Variants in DPP10 observed in about 807,000 individuals in gnomAD.
DPP10 encodes dipeptidyl peptidase like 10.
Under a neutral mutation model 120.9 loss-of-function variants are expected in DPP10, and 33 were observed. The ratio of observed to expected loss-of-function variants is 0.27; its 90% CI spans 0.21 to 0.37. The LOEUF (loss-of-function observed/expected upper bound fraction) is 0.37, where lower values mean the gene tolerates loss of function less well. DPP10 is among the 10% of genes least tolerant of loss of function. The pLI is 1.00. For missense variants in DPP10, 816 were observed against 942.8 expected (o/e 0.87, Z 1.76); for synonymous variants, 337 against 326.1 (o/e 1.03, Z -0.36).
At chr2:115,527,186 A>G (rs551007812) in intron 5 of DPP10, among the ~76,000 whole-genome samples, 22 of 152,238 alleles carry the variant, frequency 1.4e-4, no homozygotes, top group African/African-American at 5.1e-4. Flanking sequence ...ACATAGATCA[A>G]TGAAAGAGAA....
At chr2:115,093,474 G>C (rs917693409) in intron 1 of DPP10, among the ~76,000 whole-genome samples, 2 of 151,902 alleles carry the variant, frequency 1.3e-5, no homozygotes, top group Non-Finnish European at 2.9e-5. Flanking sequence ...TTTTAATCTA[G>C]ATTATAAAAT....
chr2:115,568,474 T>A (rs1360153821), intron 5 of DPP10, among the ~76,000 whole-genome samples: 1 of 151,858 alleles, frequency 6.6e-6, no homozygotes, highest in African/African-American at 2.4e-5. Flanking sequence ...AGAGCGAGAC[T>A]CCGTCTAAAA....
chr2:114,442,790 T>C lies in DPP10; in HGVS notation c.12T>C (p.Thr4=), dbSNP rs747615892. 4 of 1,613,292 alleles carry C rather than the reference T, an allele frequency of 2.5e-6. No homozygotes were observed. In the African/African-American group the frequency reaches 4.0e-5, roughly 16 times the overall value. The change falls in exon 1 of 26, where the codon ACT becomes ACC. Residue 4 remains threonine, a synonymous_variant. Transcript: ENST00000410059. The part of the protein sequence containing the change: MNQ[T]ASVSHHIKCQ... ...CAGGGTCCTGAAACATGAACCAAAC[T>C]GCCAGCGTGTCCCATCACATCAAGT...
chr2:115,632,904 T>C (rs1309384462), intron 5 of DPP10, among the ~76,000 whole-genome samples: 1 of 152,124 alleles, frequency 6.6e-6, no homozygotes, highest in East Asian at 1.9e-4. Flanking sequence ...CCAGTTAGAA[T>C]GGCAGTCATT....
intron 3 of DPP10, among the ~76,000 whole-genome samples, chr2:115,482,212 T>C (rs764884326): frequency 1.4e-4 from 21 of 151,930 alleles, no homozygotes; most frequent in Non-Finnish European, 2.8e-4. Context: ...TAGCATAAAA[T>C]TCACCCTTTT....
chr2:115,764,494 C>A (rs1481346859), intron 12 of DPP10, among the ~76,000 whole-genome samples: 1 of 151,940 alleles, frequency 6.6e-6, no homozygotes, highest in Non-Finnish European at 1.5e-5. Flanking sequence ...AAAATAAGAA[C>A]AATGGACAAT....
chr2:115,229,689 CCTATTCTATT>C (rs58625775), intron 1 of DPP10, among the ~76,000 whole-genome samples: 24,911 of 139,644 alleles, frequency 0.18, 2,241 homozygotes, highest in East Asian at 0.22. Flanking sequence ...TCTGAGTTCT[CCTATTCTATT>C]CTATTCTATT....
At chr2:115,715,224 A>G (rs1413387294) in intron 7 of DPP10, among the ~76,000 whole-genome samples, 3 of 149,676 alleles carry the variant, frequency 2.0e-5, no homozygotes, top group Non-Finnish European at 4.4e-5. Context: ...CTGTAATCCC[A>G]GCTACTTAGG....
intron 1 of DPP10, among the ~76,000 whole-genome samples, chr2:114,860,750 A>G (rs1245377638): frequency 6.6e-6 from 1 of 152,150 alleles, no homozygotes; most frequent in Non-Finnish European, 1.5e-5. Context: ...TTCAGCTCAC[A>G]TCTTTATTTT....
chr2:114,463,231 A>C (rs2104575361), intron 1 of DPP10, among the ~76,000 whole-genome samples: 1 of 152,248 alleles, frequency 6.6e-6, no homozygotes, highest in South Asian at 2.1e-4. Context: ...CTGTGTCCAT[A>C]TTAAATATTT....
intron 19 of DPP10, among the ~76,000 whole-genome samples, chr2:115,803,095 C>A (rs987941850): frequency 6.6e-6 from 1 of 152,152 alleles, no homozygotes; most frequent in South Asian, 2.1e-4. Flanking sequence ...TAAGGACTTG[C>A]TTTATGAATC....
chr2:115,739,718 A>G (rs1390022318), intron 8 of DPP10, 21 bp from the exon 9 acceptor site: 6 of 1,610,424 alleles, frequency 3.7e-6, no homozygotes, highest in South Asian at 2.2e-5. Context: ...GTTGGTCTCA[A>G]ATAACACTCA....
intron 13 of DPP10, among the ~76,000 whole-genome samples, chr2:115,775,221 G>A (rs1341338636): frequency 6.6e-6 from 1 of 150,936 alleles, no homozygotes; most frequent in African/African-American, 2.4e-5. Context: ...GTAAAAGAAA[G>A]GTAATTAGAA....
intron 17 of DPP10, 84 bp downstream of exon 17, chr2:115,782,483 C>G: frequency 7.8e-7 from 1 of 1,288,858 alleles, no homozygotes; most frequent in Non-Finnish European, 1.1e-6. Context: ...GTCATATCCT[C>G]TATAAATTCT....
At chr2:115,070,293 A>G (rs961473252) in intron 1 of DPP10, among the ~76,000 whole-genome samples, 6 of 152,160 alleles carry the variant, frequency 3.9e-5, no homozygotes, top group Admixed American at 1.3e-4. Context: ...GGAATGTTCT[A>G]TATTTCACTC....
At chr2:115,731,762 G>A (rs2092916945) in intron 8 of DPP10, among the ~76,000 whole-genome samples, 1 of 152,178 alleles carries the variant, frequency 6.6e-6, no homozygotes, top group South Asian at 2.1e-4. Context: ...TGTTTCCTCA[G>A]CCAAAGACTC....
intron 1 of DPP10, among the ~76,000 whole-genome samples, chr2:114,564,655 A>G (rs952132668): frequency 6.6e-6 from 1 of 152,184 alleles, no homozygotes; most frequent in South Asian, 2.1e-4. Context: ...TACATAGTAG[A>G]CATAAGGGAA....
chr2:114,995,640 AT>A (rs1701032007), intron 1 of DPP10, among the ~76,000 whole-genome samples: 1 of 152,072 alleles, frequency 6.6e-6, no homozygotes, highest in East Asian at 1.9e-4. Flanking sequence ...TCTTCATGTA[AT>A]TTTCTGCACT....
At chr2:115,403,553 T>C (rs1574727751) in intron 3 of DPP10, among the ~76,000 whole-genome samples, 3 of 152,016 alleles carry the variant, frequency 2.0e-5, no homozygotes, top group African/African-American at 7.2e-5. Context: ...GCACCTGCCA[T>C]AACACCCAGC....
Sources: allele counts gnomAD v4.1 joint callset (sites outside exome capture counted in the v4.1 genomes callset), GRCh38; gene constraint gnomAD v4.1.1; transcripts MANE v1.5; gene names NCBI Gene and HGNC (gene_info 2026-07-23, HGNC 2026-07-21).